The following L1CAM variants were observed in gnomAD, a reference collection of about 807,000 sequenced individuals.
L1CAM encodes the protein neural cell adhesion molecule L1.
In L1CAM, 8 loss-of-function variants were observed where a neutral mutation model predicts 93.0. The ratio of observed to expected loss-of-function variants is 0.09; its 90% CI spans 0.05 to 0.16. The LOEUF is 0.16. L1CAM is among the 10% of genes least tolerant of loss of function. The pLI, the probability that L1CAM is intolerant of heterozygous loss-of-function variation, is 1.00. For synonymous variants in L1CAM, 453 were observed against 453.0 expected (o/e 1.00, Z 0.00); for missense variants, 777 against 1,073.4 (o/e 0.72, Z 3.86).
intron 17 of L1CAM, 76 bp downstream of exon 17, chrX:153,867,280 G>A: frequency 5.8e-6 from 6 of 1,042,277 alleles, no homozygotes; most frequent in South Asian, 1.9e-5. Context: ...CTTGGGCATG[G>A]CACCTCTCTA....
chrX:153,865,045 G>A (rs781985695), intron 22 of L1CAM, 43 bp downstream of exon 22: 7 of 1,211,630 alleles, frequency 5.8e-6, no homozygotes, highest in Admixed American at 2.2e-5. Flanking sequence ...CCCCCTCCCC[G>A]TGGCCCCTCC....
In L1CAM at chrX:153,883,413, C is replaced by T. The variant is rs561662477; in HGVS notation, c.-109+2652G>A. 6.6e-5 allele frequency among the ~76,000 whole-genome samples: 6 copies of T among 91,349 alleles called. No homozygotes were observed. In the South Asian group the frequency reaches 1.5e-3, roughly 22 times the overall value. 79.3% of individuals were successfully genotyped at this position (91,349 alleles called of 115,157 possible). On this transcript the variant is annotated intron_variant, in intron 1 of 28. Transcript: ENST00000370060. Reference sequence around the variant, plus strand: ...GCCCTGGGGGTGGGGCACAGGGAGACGTGGGAGGCTGCAGAGGAGAGAGCA... The same window carrying T: ...GCCCTGGGGGTGGGGCACAGGGAGATGTGGGAGGCTGCAGAGGAGAGAGCA...
Position 153,868,735 on chromosome X carries a change from G to A in L1CAM, c.1380-8C>T, listed in dbSNP as rs1557091974. Reference sequence around the variant, plus strand: ...GTCCCATCCTCGTCCAGCCTGGAGGGAGCAGGGCGGGCCTGGCTCTGACTG... The same window carrying A: ...GTCCCATCCTCGTCCAGCCTGGAGGAAGCAGGGCGGGCCTGGCTCTGACTG... On this transcript the variant is annotated splice_polypyrimidine_tract_variant and splice_region_variant and intron_variant, in intron 12 of 28. Transcript: ENST00000370060. 2.5e-6 allele frequency: 3 copies of A among 1,210,066 alleles called. No homozygotes were observed. The highest frequency in any genetic ancestry group is 3.4e-6 in the Non-Finnish European group (3 of 895,075).
intron 3 of L1CAM, 144 bp from the exon 4 acceptor site, chrX:153,872,841 A>G: frequency 1.9e-6 from 1 of 526,307 alleles, no homozygotes; most frequent in Non-Finnish European, 3.4e-6. Flanking sequence ...GGGGAAGAAC[A>G]AAAGAGGCTT....
Position 153,863,726 on chromosome X carries a change from C to T in L1CAM, c.3457+157G>A, listed in dbSNP as rs782297316. 1.4e-4 allele frequency: 129 copies of T among 906,059 alleles called. No homozygotes were observed. In the African/African-American group the frequency reaches 2.2e-3, roughly 15 times the overall value. 74.7% of individuals were successfully genotyped at this position (906,059 alleles called of 1,213,427 possible). On this transcript the variant is annotated intron_variant, in intron 26 of 28. Coordinates refer to ENST00000370060, the MANE Select transcript of L1CAM (RefSeq NM_001278116.2). ...CACCACTTGCCTGTTGCCCCAACCC[C>T]GGCCTGGGAGGATGATCCCCCTGCC...
At chrX:153,867,690 T>TC (rs1411103643) in intron 16 of L1CAM, 110 bp downstream of exon 16, 4 of 960,332 alleles carry the variant, frequency 4.2e-6, no homozygotes, top group Non-Finnish European at 4.5e-6. Flanking sequence ...GAACCGTGAG[T>TC]CCCCCCAAAC....
chrX:153,866,989 G>C (rs2064719998), intron 18 of L1CAM, 65 bp downstream of exon 18: 1 of 1,124,886 alleles, frequency 8.9e-7, no homozygotes, highest in South Asian at 1.8e-5. Context: ...ATAGCCAAGG[G>C]GGAGCAACAG....
chrX:153,869,781 T>C (rs1557092376), intron 10 of L1CAM, 22 bp downstream of exon 10: 1 of 1,209,849 alleles, frequency 8.3e-7, no homozygotes, highest in Non-Finnish European at 1.1e-6. Flanking sequence ...CACTCCCCAC[T>C]CCTGCCTGAG....
intron 1 of L1CAM, chrX:153,883,748 T>C (rs782215444): frequency 4.1e-5 from 14 of 341,716 alleles, no homozygotes; most frequent in South Asian, 3.6e-4. Flanking sequence ...CTGGCAGACC[T>C]CCTCACAGGA....
rs782178366 is a variant in L1CAM, at chrX:153,872,286, G to A, written c.266C>T (p.Ser89Leu). 1.5e-5 allele frequency: 18 copies of A among 1,204,309 alleles called. No individual in the cohort carries two copies. The highest frequency in any genetic ancestry group is 7.1e-5 in the South Asian group (4 of 56,225). Residue 89 changes from serine to leucine, a missense_variant, in exon 5 of 29, where the codon TCG (serine) becomes TTG (leucine). Transcript: ENST00000370060. ...GATGGTGAAGGAGCCAGAGTGGGGC[G>A]ACTGGTACACGGTCACACCCAGCTC... ...KEELGVTVYQ[S>L]PHSGSFTITG...
intron 26 of L1CAM, 95 bp downstream of exon 26, chrX:153,863,788 C>T (rs1352597012): frequency 8.9e-6 from 10 of 1,127,525 alleles, no homozygotes; most frequent in African/African-American, 3.6e-5. Flanking sequence ...GTGGGGAGCT[C>T]GGGGAATCCA....
intron 1 of L1CAM, among the ~76,000 whole-genome samples, chrX:153,876,857 G>T (rs1184766784): frequency 9.1e-6 from 1 of 109,987 alleles, no homozygotes; most frequent in Admixed American, 9.6e-5. Context: ...AAAAAAATTA[G>T]CCTTGGTGGT....
chrX:153,864,971 G>T lies in L1CAM; in HGVS notation c.2896C>A (p.Leu966Met). ...TCGGGGTCCCGAAGGTTGAAGGACA[G>T]TTGCCCCTTGCCCCCCTCATCCACT... is the stretch of plus-strand genomic sequence containing the variant. Reference protein sequence around the residue: ...HPLDEGGKGQLSFNLRDPELR... With the variant: ...HPLDEGGKGQMSFNLRDPELR... The change falls in exon 23 of 29, where the codon CTG becomes ATG. Residue 966 changes from leucine (L) to methionine (M), a missense_variant. This residue lies in a region of L1CAM where 71 missense variants were observed against 77.4 expected (regional missense o/e 0.92). Coordinates refer to ENST00000370060, the MANE Select transcript of L1CAM (RefSeq NM_001278116.2). The T allele has an allele frequency of 3.3e-6, 4 of 1,212,501 alleles. No homozygotes were observed. The highest frequency in any genetic ancestry group is 1.1e-6 in the Non-Finnish European group (1 of 895,632).
Position 153,865,750 on chromosome X carries a change from C to T in L1CAM, c.2501G>A (p.Arg834Gln), listed in dbSNP as rs201550159. ...CTTGACCTGGGCCAGGTCCACCGGC[C>T]GCCACTTGACCAGCACGGCACTTGA... Reference protein sequence around the residue: ...LNSSAVLVKWRPVDLAQVKGH... With the variant: ...LNSSAVLVKWQPVDLAQVKGH... The change falls in exon 20 of 29, where the codon CGG becomes CAG. Residue 834 changes from arginine to glutamine, a missense_variant. This residue lies in a region of L1CAM where 574 missense variants were observed against 781.0 expected (regional missense o/e 0.73). Transcript: ENST00000370060. The T allele has an allele frequency of 2.8e-5, 34 of 1,209,567 alleles. No individual in the cohort carries two copies. Among genetic ancestry groups the T allele is most frequent in the Non-Finnish European group, 3.6e-5 (32 of 894,499 alleles).
At position 153,863,470 on chromosome X, in the gene L1CAM, G is replaced by A. The variant is rs782072983; in HGVS notation, c.3530+7C>T. The A allele has an allele frequency of 1.7e-5, 21 of 1,208,893 alleles. No homozygotes were observed. The highest frequency in any genetic ancestry group is 8.9e-5 in the East Asian group (3 of 33,731). ...GAGTGCCAGCACCCACTCCTGCCCC[G>A]GCTCACCTGTACTCGCCGAAGGTCT... On this transcript the variant is annotated splice_region_variant and intron_variant, in intron 27 of 28. Coordinates refer to ENST00000370060, the MANE Select transcript of L1CAM (RefSeq NM_001278116.2).
Position 153,862,848 on chromosome X carries a change from C to G in L1CAM, c.3589G>C (p.Gly1197Arg), listed in dbSNP as rs781814421. ...AFGSSQPSLN[G>R]DIKPLGSDDS... ...TCACTGCCCAGGGGCTTGATGTCCC[C>G]GTTGAGCGATGGCTGGCTGCTGCCA... The change falls in exon 29 of 29, where the codon GGG becomes CGG. Residue 1197 changes from glycine (G) to arginine (R), a missense_variant. Physicochemically the swap from Gly to Arg is moderately radical, Grantham distance 125. Transcript: ENST00000370060. The G allele has an allele frequency of 4.1e-6, 5 of 1,212,322 alleles. No individual in the cohort carries two copies. The highest frequency in any genetic ancestry group is 5.6e-6 in the Non-Finnish European group (5 of 895,579).
intron 18 of L1CAM, 69 bp from the exon 19 acceptor site, chrX:153,866,940 C>A: frequency 8.9e-7 from 1 of 1,128,204 alleles, no homozygotes; most frequent in Non-Finnish European, 1.2e-6. Flanking sequence ...CGCCCCCCAG[C>A]ACAAACCAGC....
chrX:153,884,108 A>G, intron 1 of L1CAM: 1 of 695,133 alleles, frequency 1.4e-6, no homozygotes, highest in Middle Eastern at 3.5e-4. Flanking sequence ...TCAGATAATC[A>G]TCAAGAAAAA....
chrX:153,874,850 C>T (rs1203485470), intron 2 of L1CAM, among the ~76,000 whole-genome samples: 8 of 111,844 alleles, frequency 7.2e-5, no homozygotes, highest in Non-Finnish European at 1.5e-4. Context: ...AACACCATCA[C>T]GGTAACACCC....
Sources: allele counts gnomAD v4.1 joint callset (sites outside exome capture counted in the v4.1 genomes callset), GRCh38; gene constraint gnomAD v4.1.1; regional missense constraint gnomAD v4.1.1; transcripts MANE v1.5; gene names NCBI Gene and HGNC (gene_info 2026-07-23, HGNC 2026-07-21).